Variants in SDCBP observed in about 807,000 individuals in gnomAD.
SDCBP encodes syntenin-1.
SDCBP carries 22 observed loss-of-function variants against 30.5 expected under a neutral mutation model. The observed-to-expected ratio is 0.72, with a 90% CI of 0.52 to 1.03. The LOEUF (loss-of-function observed/expected upper bound fraction) is 1.03, where lower values mean the gene tolerates loss of function less well. Among genes scored for constraint, SDCBP ranks in the 50% least tolerant of loss-of-function variants. SDCBP has a pLI of 0.00. For synonymous variants in SDCBP, 103 were observed against 118.7 expected (o/e 0.87, Z 0.86); for missense variants, 304 against 369.9 (o/e 0.82, Z 1.46).
chr8:58,571,007 T>C (rs546811983), intron 3 of SDCBP, 42 bp downstream of exon 3: 2 of 1,422,294 alleles, frequency 1.4e-6, no homozygotes, highest in East Asian at 2.3e-5. Flanking sequence ...AACAGAAATA[T>C]TGTTATCTTC....
At chr8:58,561,620 TAA>T in intron 1 of SDCBP, 1 of 486,780 alleles carries the variant, frequency 2.1e-6, no homozygotes, top group Non-Finnish European at 3.7e-6. Context: ...AACTTTTCTT[TAA>T]AAGTAAAAGA....
intron 1 of SDCBP, among the ~76,000 whole-genome samples, chr8:58,558,380 C>G (rs1206260152): frequency 6.6e-6 from 1 of 152,180 alleles, no homozygotes; most frequent in Non-Finnish European, 1.5e-5. Context: ...CTCCTTTGCT[C>G]AAGTGGTCCT....
intron 2 of SDCBP, among the ~76,000 whole-genome samples, chr8:58,566,596 A>G (rs899304665): frequency 6.6e-6 from 1 of 152,188 alleles, no homozygotes; most frequent in African/African-American, 2.4e-5. Flanking sequence ...GGAGTGGGAA[A>G]CATGGTTCTT....
Position 58,563,986 on chromosome 8 carries a change from G to A in SDCBP, c.-15-1033G>A, listed in dbSNP as rs566408915. On this transcript the variant is annotated intron_variant, in intron 1 of 8. Coordinates refer to ENST00000260130, the MANE Select transcript of SDCBP (RefSeq NM_005625.4). ...CTGCAGAGTTACTCAATAGAGTGCT[G>A]GGGTGAGCTTCTGCATGCTTGTGAA... Among the ~76,000 whole-genome samples the A allele has an allele frequency of 1.2e-4, 19 of 152,312 alleles. No individual in the cohort carries two copies. The South Asian group carries it at 3.7e-3, about 30-fold the overall frequency.
chr8:58,564,881 A>AT lies in SDCBP; in HGVS notation c.-15-132dup, dbSNP rs967792769. 2.1e-4 allele frequency: 107 copies of AT among 498,070 alleles called. 2 individuals are homozygous for AT. The highest frequency in any genetic ancestry group is 1.6e-4 in the African/African-American group (8 of 48,872). 30.9% of individuals were successfully genotyped at this position (498,070 alleles called of 1,614,324 possible). On this transcript the variant is annotated intron_variant, in intron 1 of 8. Transcript: ENST00000260130. ...CTTTTAGTATGGCCTATATATTCTT[A>AT]TTTTTTAATATGTTTTGCAATTTAA...
In SDCBP at chr8:58,582,099, G is replaced by A. The variant is rs755940317; in HGVS notation, c.*359G>A. ...ACCTTTCTCCTAGGTAATGAGTAGT[G>A]CTGTTCATATTACTTTAGTTCTATA... On this transcript the variant is annotated 3_prime_UTR_variant, in exon 9 of 9. Transcript: ENST00000260130. 2.3e-5 allele frequency: 5 copies of A among 214,634 alleles called. No individual in the cohort carries two copies. The highest frequency in any genetic ancestry group is 4.7e-5 in the African/African-American group (2 of 42,998). 13.3% of individuals were successfully genotyped at this position (214,634 alleles called of 1,614,324 possible). A position where few individuals can be genotyped will look rare whatever the true frequency, so the allele number is the denominator to read the frequency against.
chr8:58,577,900 C>CT (rs1563515333), intron 5 of SDCBP, 133 bp from the exon 6 acceptor site: 6 of 685,022 alleles, frequency 8.8e-6, no homozygotes, highest in Non-Finnish European at 1.2e-5. Flanking sequence ...ATAGTTTTTC[C>CT]TTTTTTTCTT....
At chr8:58,578,257 AT>A in intron 6 of SDCBP, 49 bp downstream of exon 6, 12 of 1,393,352 alleles carry the variant, frequency 8.6e-6, no homozygotes, top group East Asian at 2.5e-5. Context: ...CTAGTTTTCC[AT>A]TTTTTTGGGC....
At chr8:58,580,024 A>T (rs1805592557) in intron 7 of SDCBP, 1 of 383,292 alleles carries the variant, frequency 2.6e-6, no homozygotes, top group Non-Finnish European at 4.6e-6. Flanking sequence ...TCACACTAGA[A>T]TTCTGTGGAA....
chr8:58,577,993 AG>A, intron 5 of SDCBP, 39 bp from the exon 6 acceptor site: 1 of 1,459,310 alleles, frequency 6.9e-7, no homozygotes, highest in Non-Finnish European at 9.6e-7. Flanking sequence ...ACCGTATCAT[AG>A]TAGTGGTAAA....
chr8:58,566,711 G>C (rs1413644840), intron 2 of SDCBP, among the ~76,000 whole-genome samples: 1 of 152,102 alleles, frequency 6.6e-6, no homozygotes, highest in Non-Finnish European at 1.5e-5. Context: ...TAAGGTGGAT[G>C]ATACTCATGT....
chr8:58,573,461 C>G (rs1439613057), intron 4 of SDCBP, among the ~76,000 whole-genome samples: 2 of 152,128 alleles, frequency 1.3e-5, no homozygotes, highest in African/African-American at 4.8e-5. Context: ...CTAGCTGCTT[C>G]TCCTAGGACT....
At chr8:58,577,749 G>A (rs1003228688) in intron 5 of SDCBP, among the ~76,000 whole-genome samples, 1 of 152,084 alleles carries the variant, frequency 6.6e-6, no homozygotes, top group African/African-American at 2.4e-5. Flanking sequence ...CAAGTTGAAG[G>A]GGGGGATTGT....
At chr8:58,560,372 T>A (rs1052819292) in intron 1 of SDCBP, 1 of 152,366 alleles carries the variant, frequency 6.6e-6, no homozygotes, top group African/African-American at 2.4e-5. Context: ...GCTCAGCAGC[T>A]TGTCCCTACG....
intron 5 of SDCBP, among the ~76,000 whole-genome samples, chr8:58,577,014 CCCTTTCTCCAGAATCTTCAGGGAAT>C: frequency 6.6e-6 from 1 of 152,358 alleles, no homozygotes; most frequent in East Asian, 1.9e-4. Context: ...GACTTTGCTG[CCCTTTCTCCAGAATCTTCAGGGAAT>C]AGAGTATACT....
At chr8:58,576,796 G>T (rs535870359) in intron 5 of SDCBP, among the ~76,000 whole-genome samples, 2 of 152,248 alleles carry the variant, frequency 1.3e-5, no homozygotes, top group East Asian at 3.9e-4. Flanking sequence ...TATTGGATTC[G>T]GTTTCAGTCA....
At chr8:58,567,223 G>T (rs1804747766) in intron 2 of SDCBP, among the ~76,000 whole-genome samples, 1 of 152,076 alleles carries the variant, frequency 6.6e-6, no homozygotes, top group Admixed American at 6.5e-5. Flanking sequence ...ACATCCTTTT[G>T]TTTCATTTTT....
rs146270268 is a variant in SDCBP, at chr8:58,554,781, C to T, written c.-16+1478C>T. 4.5e-3 allele frequency among the ~76,000 whole-genome samples: 691 copies of T among 152,236 alleles called. 7 individuals are homozygous for T. The highest frequency in any genetic ancestry group is 0.015 in the African/African-American group (642 of 41,536). The stretch of plus-strand genomic sequence containing the variant: ...AGATTCTAAAAAAGAAAAGCGCCCC[C>T]AAATAACTTTGAAATACTTTCTACT... On this transcript the variant is annotated intron_variant, in intron 1 of 8. Coordinates refer to ENST00000260130, the MANE Select transcript of SDCBP (RefSeq NM_005625.4).
intron 1 of SDCBP, among the ~76,000 whole-genome samples, chr8:58,555,768 G>C (rs1204988535): frequency 6.0e-5 from 9 of 148,898 alleles, no homozygotes; most frequent in Non-Finnish European, 1.2e-4. Context: ...TTTTTTTTTA[G>C]AGATGGAATC....
Sources: allele counts gnomAD v4.1 joint callset (sites outside exome capture counted in the v4.1 genomes callset), GRCh38; gene constraint gnomAD v4.1.1; transcripts MANE v1.5; gene names NCBI Gene and HGNC (gene_info 2026-07-23, HGNC 2026-07-21).